Variants in SLC35F4 observed in about 807,000 individuals in gnomAD.
The protein encoded by SLC35F4 is chromosome 14 open reading frame 36.
SLC35F4 carries 24 observed loss-of-function variants against 44.2 expected under a neutral mutation model. That is an observed-to-expected ratio of 0.54 (90% CI 0.39 to 0.76). SLC35F4 has a LOEUF of 0.76. Among genes scored for constraint, SLC35F4 ranks in the 30% least tolerant of loss-of-function variants. The probability of loss-of-function intolerance (pLI) is 0.00; values close to 1 mark genes in which losing one functional copy is unlikely to be tolerated. For synonymous variants in SLC35F4, 238 were observed against 223.6 expected, an observed-to-expected ratio of 1.06 and a Z score of -0.57; for missense variants, 562 against 586.1, an observed-to-expected ratio of 0.96 and a Z score of 0.42.
intron 1 of SLC35F4, among the ~76,000 whole-genome samples, chr14:57,779,606 C>A (rs1166424892): frequency 6.6e-6 from 1 of 152,120 alleles, no homozygotes; most frequent in East Asian, 1.9e-4. Context: ...ATCCTGATAC[C>A]AAAATCTGGC....
chr14:57,577,735 A>G (rs1489918295), intron 4 of SLC35F4, among the ~76,000 whole-genome samples: 11 of 152,162 alleles, frequency 7.2e-5, no homozygotes, highest in Admixed American at 7.2e-4. Flanking sequence ...GCTAAACATA[A>G]TAAGGTCTGA....
chr14:57,725,908 C>T (rs182348052), intron 1 of SLC35F4, among the ~76,000 whole-genome samples: 14 of 152,320 alleles, frequency 9.2e-5, no homozygotes, highest in Non-Finnish European at 2.9e-5. Context: ...TTTTTGCTTC[C>T]TGTTTTCACA....
At chr14:57,755,781 C>T (rs916165928) in intron 1 of SLC35F4, among the ~76,000 whole-genome samples, 9 of 152,182 alleles carry the variant, frequency 5.9e-5, no homozygotes, top group Non-Finnish European at 1.2e-4. Flanking sequence ...TCACAATGAT[C>T]CCGCAAGGCA....
At position 57,593,014 on chromosome 14, in the gene SLC35F4, A is replaced by G. The variant is rs144130948; in HGVS notation, c.289+925T>C. On this transcript the variant is annotated intron_variant, in intron 2 of 7. Coordinates refer to ENST00000556826, the MANE Select transcript of SLC35F4 (RefSeq NM_001306087.2). The stretch of plus-strand genomic sequence containing the variant: ...CAGAAGAGATGTAGGTAGGGCTATC[A>G]TGGACACAGGTAGGGGGCTAAAATT... 2.9e-3 allele frequency among the ~76,000 whole-genome samples: 436 copies of G among 152,326 alleles called. 11 individuals are homozygous for G. The highest frequency in any genetic ancestry group is 1.0e-3 in the Non-Finnish European group (70 of 68,028).
chr14:57,683,702 A>G (rs913129105), intron 1 of SLC35F4, among the ~76,000 whole-genome samples: 1 of 152,118 alleles, frequency 6.6e-6, no homozygotes, highest in African/African-American at 2.4e-5. Context: ...TGACTTTTAA[A>G]ATTGGTCTAC....
At chr14:57,763,108 C>T (rs2077161414) in intron 1 of SLC35F4, among the ~76,000 whole-genome samples, 1 of 152,154 alleles carries the variant, frequency 6.6e-6, no homozygotes, top group Admixed American at 6.6e-5. Flanking sequence ...CCCCAGTTCT[C>T]TTTGAACTAG....
intron 1 of SLC35F4, among the ~76,000 whole-genome samples, chr14:57,620,879 C>T (rs1185510999): frequency 3.3e-5 from 5 of 151,996 alleles, no homozygotes; most frequent in African/African-American, 1.2e-4. Flanking sequence ...TCAAATTGTC[C>T]CTGTTTGCAG....
At chr14:57,772,603 A>ATT (rs1281396773) in intron 1 of SLC35F4, among the ~76,000 whole-genome samples, 30 of 152,232 alleles carry the variant, frequency 2.0e-4, no homozygotes, top group Admixed American at 2.0e-3. Flanking sequence ...TCCACTTATA[A>ATT]GTGAGGACAT....
intron 1 of SLC35F4, among the ~76,000 whole-genome samples, chr14:57,835,809 C>T (rs1884860018): frequency 6.6e-6 from 1 of 152,232 alleles, no homozygotes; most frequent in African/African-American, 2.4e-5. Flanking sequence ...TAAGTGTTAC[C>T]CTTGGCTCCT....
chr14:57,801,020 C>T lies in SLC35F4; in HGVS notation c.103+64703G>A, dbSNP rs965381270. ...TTCAAATTCAGAAAATGCAGAGAACCCCAGTAAGATACTCCATGAGAAGAT... is the reference window on the plus strand; with the variant it reads ...TTCAAATTCAGAAAATGCAGAGAACTCCAGTAAGATACTCCATGAGAAGAT... On this transcript the variant is annotated intron_variant, in intron 1 of 7. Coordinates refer to ENST00000556826, the MANE Select transcript of SLC35F4 (RefSeq NM_001306087.2). 3.9e-5 allele frequency among the ~76,000 whole-genome samples: 6 copies of T among 151,964 alleles called. No individual in the cohort carries two copies. In the East Asian group the frequency reaches 1.2e-3, roughly 29 times the overall value.
At chr14:57,671,059 C>T (rs2074504065) in intron 1 of SLC35F4, among the ~76,000 whole-genome samples, 1 of 151,092 alleles carries the variant, frequency 6.6e-6, no homozygotes, top group Non-Finnish European at 1.5e-5. Context: ...CACACACCAC[C>T]ATGCCACCTA....
At chr14:57,940,710 C>G (rs187149143) in intron 1 of SLC35F4, among the ~76,000 whole-genome samples, 1 of 152,310 alleles carries the variant, frequency 6.6e-6, no homozygotes, top group East Asian at 1.9e-4. Flanking sequence ...TCATCCAACT[C>G]CTCCTCTTCT....
chr14:57,881,092 T>C (rs1186586204), intron 1 of SLC35F4, among the ~76,000 whole-genome samples: 1 of 152,188 alleles, frequency 6.6e-6, no homozygotes, highest in Non-Finnish European at 1.5e-5. Context: ...ATGCCCTCTC[T>C]ACTCTGATCT....
intron 1 of SLC35F4, among the ~76,000 whole-genome samples, chr14:57,710,107 G>C (rs757191926): frequency 3.9e-5 from 6 of 152,194 alleles, no homozygotes; most frequent in Non-Finnish European, 8.8e-5. Context: ...AGGGAAAAAT[G>C]GTTTCCTGGG....
intron 1 of SLC35F4, among the ~76,000 whole-genome samples, chr14:57,858,739 A>C (rs528808020): frequency 2.8e-4 from 43 of 151,840 alleles, no homozygotes; most frequent in African/African-American, 9.9e-4. Flanking sequence ...GAAAAGAACC[A>C]ATGAGCTGCA....
chr14:57,792,850 C>A (rs893786526), intron 1 of SLC35F4, among the ~76,000 whole-genome samples: 4 of 147,802 alleles, frequency 2.7e-5, no homozygotes, highest in Non-Finnish European at 5.9e-5. Flanking sequence ...ATGGGTGTAC[C>A]GAAATCTCAG....
chr14:57,607,508 A>C lies in SLC35F4; in HGVS notation c.104-13384T>G, dbSNP rs927609008. Among the ~76,000 whole-genome samples, 3 of 152,332 alleles carry C rather than the reference A, an allele frequency of 2.0e-5. No individual in the cohort carries two copies. In the South Asian group the frequency reaches 6.2e-4, roughly 32 times the overall value. On this transcript the variant is annotated intron_variant, in intron 1 of 7. Coordinates refer to ENST00000556826, the MANE Select transcript of SLC35F4 (RefSeq NM_001306087.2). Reference sequence around the variant, plus strand: ...ATGGGCTGAAACAGTCTTTGGACCTAAACCCACAATGATGAGTCCCAGCTC... The same window carrying C: ...ATGGGCTGAAACAGTCTTTGGACCTCAACCCACAATGATGAGTCCCAGCTC...
At chr14:57,977,672 A>G (rs561841865) in intron 1 of SLC35F4, among the ~76,000 whole-genome samples, 204 of 152,310 alleles carry the variant, frequency 1.3e-3, no homozygotes, top group Non-Finnish European at 9.0e-4. Context: ...GTCTCATGGC[A>G]CTTAACCTTT....
rs180798759 is a variant in SLC35F4 at position 57,927,455 on chromosome 14, T to C, written n.282+54458A>G. ...CTTTTGCCCTCATTGTCTGAGTGAC[T>C]AGGTGGTTTGAGTTTTTTTTTTTTA... On this transcript the variant is annotated intron_variant and non_coding_transcript_variant, in intron 1 of 1. Transcript: ENST00000556568. 3.2e-3 allele frequency among the ~76,000 whole-genome samples: 488 copies of C among 150,906 alleles called. 10 individuals carry two copies. The highest frequency in any genetic ancestry group is 9.1e-4 in the Non-Finnish European group (62 of 67,940).
Sources: allele counts gnomAD v4.1 joint callset (sites outside exome capture counted in the v4.1 genomes callset), GRCh38; gene constraint gnomAD v4.1.1; transcripts MANE v1.5; gene names NCBI Gene and HGNC (gene_info 2026-07-23, HGNC 2026-07-21).